Variants in GALNT11 observed in about 807,000 individuals in gnomAD.
The protein encoded by GALNT11 is polypeptide N-acetylgalactosaminyltransferase 11.
In GALNT11, 47 loss-of-function variants were observed where a neutral mutation model predicts 72.7. The ratio of observed to expected loss-of-function variants is 0.65; its 90% CI spans 0.51 to 0.82. The LOEUF (loss-of-function observed/expected upper bound fraction) is 0.82. Ranked by LOEUF, GALNT11 falls within the 40% of genes least tolerant of loss-of-function variation. GALNT11 has a pLI of 0.00. For missense variants in GALNT11, 677 were observed against 778.4 expected (o/e 0.87, Z 1.55); for synonymous variants, 270 against 286.6 (o/e 0.94, Z 0.58).
At chr7:152,085,655 A>G (rs1251038138) in intron 1 of GALNT11, among the ~76,000 whole-genome samples, 1 of 152,034 alleles carries the variant, frequency 6.6e-6, no homozygotes, top group Non-Finnish European at 1.5e-5. Context: ...TAAGCAGGTG[A>G]GAAATTTATT....
intron 7 of GALNT11, among the ~76,000 whole-genome samples, chr7:152,111,879 G>A (rs1201850596): frequency 6.6e-6 from 1 of 152,112 alleles, no homozygotes; most frequent in Non-Finnish European, 1.5e-5. Flanking sequence ...TTCAGAAACA[G>A]CTCAGTTTGA....
At chr7:152,027,458 G>A (rs28886362) in intron 1 of GALNT11, 5,014 of 153,366 alleles carry the variant, frequency 0.033, 279 homozygotes, top group African/African-American at 0.12. Flanking sequence ...CAACCCCCAC[G>A]ACATGAGGCG....
At chr7:152,052,448 G>A (rs2083450363) in intron 1 of GALNT11, among the ~76,000 whole-genome samples, 1 of 152,048 alleles carries the variant, frequency 6.6e-6, no homozygotes, top group Non-Finnish European at 1.5e-5. Context: ...TGGCACTGCT[G>A]GGTTATATGG....
At chr7:152,087,510 G>A (rs1430913010) in intron 1 of GALNT11, among the ~76,000 whole-genome samples, 2 of 152,202 alleles carry the variant, frequency 1.3e-5, no homozygotes, top group African/African-American at 2.4e-5. Flanking sequence ...GCCAGATTAC[G>A]TAGGGACTTG....
At chr7:152,038,531 G>A (rs927248041) in intron 1 of GALNT11, among the ~76,000 whole-genome samples, 12 of 152,310 alleles carry the variant, frequency 7.9e-5, no homozygotes, top group East Asian at 1.9e-4. Flanking sequence ...AGGCCATCAC[G>A]AGCATGTCAC....
chr7:152,025,950 G>T, intron 1 of GALNT11, 66 bp downstream of exon 1: 1 of 148,624 alleles, frequency 6.7e-6, no homozygotes, highest in South Asian at 1.3e-4. Flanking sequence ...GGCGGCGGCG[G>T]CGCGCGGGGC....
At chr7:152,075,773 G>T (rs1187101243) in intron 1 of GALNT11, among the ~76,000 whole-genome samples, 1 of 148,006 alleles carries the variant, frequency 6.8e-6, no homozygotes, top group Non-Finnish European at 1.5e-5. Flanking sequence ...TCCAGTCTGG[G>T]CAACAAGAGC....
chr7:152,057,221 T>A (rs2083734097), intron 1 of GALNT11, among the ~76,000 whole-genome samples: 1 of 149,546 alleles, frequency 6.7e-6, no homozygotes, highest in South Asian at 2.1e-4. Flanking sequence ...TAATAGATTT[T>A]AAAAAATCTA....
intron 6 of GALNT11, 61 bp from the exon 7 acceptor site, chr7:152,110,467 A>G: frequency 1.7e-6 from 2 of 1,194,612 alleles, no homozygotes; most frequent in Non-Finnish European, 2.4e-6. Flanking sequence ...TATTTTAAAC[A>G]AAAGTAGTAG....
At chr7:152,080,476 C>G (rs1414695316) in intron 1 of GALNT11, among the ~76,000 whole-genome samples, 2 of 152,122 alleles carry the variant, frequency 1.3e-5, no homozygotes, top group African/African-American at 4.8e-5. Context: ...TGCCACTAAC[C>G]TGAGTCTATT....
At chr7:152,046,463 T>G (rs2083129649) in intron 1 of GALNT11, among the ~76,000 whole-genome samples, 1 of 152,178 alleles carries the variant, frequency 6.6e-6, no homozygotes, top group African/African-American at 2.4e-5. Flanking sequence ...AATATTTGCT[T>G]TATGTATCTG....
intron 1 of GALNT11, among the ~76,000 whole-genome samples, chr7:152,088,134 G>A (rs2085769989): frequency 6.6e-6 from 1 of 152,138 alleles, no homozygotes; most frequent in South Asian, 2.1e-4. Context: ...ATACTCCAAG[G>A]ATTTCTGTAT....
At position 152,072,641 on chromosome 7, in the gene GALNT11, T is replaced by C. The variant is rs959721164; in HGVS notation, c.-38-21549T>C. Among the ~76,000 whole-genome samples the C allele has an allele frequency of 2.9e-4, 44 of 150,352 alleles. 3 individuals are homozygous for C. The highest frequency in any genetic ancestry group is 1.5e-5 in the Non-Finnish European group (1 of 68,040). ...CAGCCTCCTCCCTTATTTGGGAATA[T>C]TATTACTTTGTAAATCCTTTCGTAA... On this transcript the variant is annotated intron_variant, in intron 1 of 11. Transcript: ENST00000430044.
intron 10 of GALNT11, chr7:152,120,414 G>A (rs1174844110): frequency 5.4e-6 from 1 of 183,654 alleles, no homozygotes; most frequent in Non-Finnish European, 1.1e-5. Context: ...CTGTGATTCA[G>A]CCTGTGCACT....
chr7:152,029,163 CCTTT>C (rs1214737075), intron 1 of GALNT11, among the ~76,000 whole-genome samples: 1 of 152,162 alleles, frequency 6.6e-6, no homozygotes, highest in South Asian at 2.1e-4. Context: ...GCAGAGTCCT[CCTTT>C]CTCAGCAGTG....
chr7:152,108,726 T>G (rs1426429755), intron 6 of GALNT11, among the ~76,000 whole-genome samples: 1 of 152,248 alleles, frequency 6.6e-6, no homozygotes, highest in Non-Finnish European at 1.5e-5. Flanking sequence ...GCTAGTATAA[T>G]TACTAAGTCA....
At position 152,105,383 on chromosome 7, in the gene GALNT11, G is replaced by A. The variant is rs373247447; in HGVS notation, c.712+13G>A. ...GCCCACGCGACAGGTATCACTTCTC[G>A]TTAGCTTTGCTCTACAGGTGTTGGA... On this transcript the variant is annotated intron_variant, in intron 5 of 11. Coordinates refer to ENST00000430044, the MANE Select transcript of GALNT11 (RefSeq NM_022087.4). The A allele has an allele frequency of 1.9e-5, 31 of 1,610,310 alleles. No individual in the cohort carries two copies. The highest frequency in any genetic ancestry group is 2.4e-5 in the Non-Finnish European group (28 of 1,178,414).
intron 1 of GALNT11, chr7:152,075,121 C>T (rs1233515718): frequency 6.6e-6 from 1 of 152,256 alleles, no homozygotes; most frequent in Non-Finnish European, 1.5e-5. Flanking sequence ...GTTTCTCACT[C>T]TCACTAGTCC....
At chr7:152,057,556 C>G (rs1166209972) in intron 1 of GALNT11, among the ~76,000 whole-genome samples, 5 of 152,144 alleles carry the variant, frequency 3.3e-5, no homozygotes, top group African/African-American at 7.2e-5. Flanking sequence ...ACCCACCCGC[C>G]TCAGCCTCCC....
Sources: allele counts gnomAD v4.1 joint callset (sites outside exome capture counted in the v4.1 genomes callset), GRCh38; gene constraint gnomAD v4.1.1; transcripts MANE v1.5; gene names NCBI Gene and HGNC (gene_info 2026-07-23, HGNC 2026-07-21).